The following CDH12 variants were observed in gnomAD, a reference collection of about 807,000 sequenced individuals.
CDH12 encodes cadherin 12.
CDH12 carries 41 observed loss-of-function variants against 74.1 expected under a neutral mutation model. That is an observed-to-expected ratio of 0.55 (90% CI 0.43 to 0.72). The LOEUF (loss-of-function observed/expected upper bound fraction) is 0.72. CDH12 is among the 30% of genes least tolerant of loss of function. The pLI is 0.00. For missense variants in CDH12, 945 were observed against 977.2 expected, an observed-to-expected ratio of 0.97 and a Z score of 0.44; for synonymous variants, 399 against 355.0, an observed-to-expected ratio of 1.12 and a Z score of -1.39.
chr5:22,092,664 GC>G (rs1308366390), intron 4 of CDH12, among the ~76,000 whole-genome samples: 1 of 152,084 alleles, frequency 6.6e-6, no homozygotes, highest in African/African-American at 2.4e-5. Context: ...AAATGGTGGA[GC>G]TTTTTTGGAT....
chr5:22,629,946 G>T (rs944923574), intron 1 of CDH12, among the ~76,000 whole-genome samples: 1 of 151,952 alleles, frequency 6.6e-6, no homozygotes, highest in Admixed American at 6.6e-5. Context: ...AAAATTAGTA[G>T]GTTTCTGTAC....
intron 1 of CDH12, among the ~76,000 whole-genome samples, chr5:22,512,485 A>G (rs2126673491): frequency 6.6e-6 from 1 of 152,262 alleles, no homozygotes; most frequent in African/African-American, 2.4e-5. Context: ...CCAGGGCACT[A>G]GTTTGGGGTA....
chr5:22,091,150 G>C lies in CDH12; in HGVS notation c.-186-12288C>G, dbSNP rs906849218. ...AGAAAAAAATTTGTCTCAACTTGCA[G>C]ATGACATGATCTTTTATATTAAATA... On this transcript the variant is annotated intron_variant, in intron 4 of 14. Transcript: ENST00000382254. Among the ~76,000 whole-genome samples, 3 of 150,384 alleles carry C rather than the reference G, an allele frequency of 2.0e-5. No homozygotes were observed. The Admixed American group carries it at 2.0e-4, about 10-fold the overall frequency.
chr5:22,414,903 A>G (rs1312819553), intron 2 of CDH12, among the ~76,000 whole-genome samples: 2 of 152,108 alleles, frequency 1.3e-5, no homozygotes, highest in Non-Finnish European at 2.9e-5. Context: ...AACTAATAAC[A>G]TTATGTAGGG....
intron 1 of CDH12, among the ~76,000 whole-genome samples, chr5:22,804,194 G>A (rs1344308405): frequency 6.6e-6 from 1 of 152,094 alleles, no homozygotes; most frequent in East Asian, 1.9e-4. Flanking sequence ...ATGGGAAACA[G>A]AATAATGATA....
intron 3 of CDH12, among the ~76,000 whole-genome samples, chr5:22,225,752 C>G (rs902558940): frequency 1.3e-5 from 2 of 152,052 alleles, no homozygotes; most frequent in Non-Finnish European, 2.9e-5. Flanking sequence ...TCAGGCCAAC[C>G]ATAAAAGTTG....
chr5:22,282,239 A>C (rs920294103), intron 3 of CDH12, among the ~76,000 whole-genome samples: 1 of 152,200 alleles, frequency 6.6e-6, no homozygotes, highest in South Asian at 2.1e-4. Context: ...TAAAAATATT[A>C]ACTCAAGATG....
At chr5:22,824,781 A>C (rs1399404932) in intron 1 of CDH12, among the ~76,000 whole-genome samples, 2 of 151,850 alleles carry the variant, frequency 1.3e-5, no homozygotes, top group Admixed American at 6.6e-5. Context: ...ACAGTCTAAG[A>C]TTGTCAGATT....
intron 2 of CDH12, among the ~76,000 whole-genome samples, chr5:22,453,821 T>G (rs1745148839): frequency 6.6e-6 from 1 of 152,168 alleles, no homozygotes; most frequent in African/African-American, 2.4e-5. Context: ...TGTATACATG[T>G]ATATATATTT....
intron 1 of CDH12, among the ~76,000 whole-genome samples, chr5:22,794,040 C>G (rs568239283): frequency 6.6e-6 from 1 of 152,296 alleles, no homozygotes; most frequent in South Asian, 2.1e-4. Flanking sequence ...TGCTGAAACA[C>G]TCAGTCTCAC....
intron 3 of CDH12, among the ~76,000 whole-genome samples, chr5:22,360,510 GCTGGTACCATTC>G (rs970369441): frequency 6.6e-6 from 1 of 152,116 alleles, no homozygotes; most frequent in African/African-American, 2.4e-5. Flanking sequence ...ACAAGGAGGA[GCTGGTACCATTC>G]CTTCTGAAAC....
At chr5:22,236,304 CTT>C (rs941549670) in intron 3 of CDH12, among the ~76,000 whole-genome samples, 1 of 152,192 alleles carries the variant, frequency 6.6e-6, no homozygotes, top group Non-Finnish European at 1.5e-5. Context: ...CTGTTTGACT[CTT>C]TTGCAATAAC....
chr5:22,573,631 G>A (rs189578123), intron 1 of CDH12, among the ~76,000 whole-genome samples: 29 of 152,156 alleles, frequency 1.9e-4, no homozygotes, highest in African/African-American at 6.7e-4. Context: ...CATTTTAGTG[G>A]TAAAATTATA....
chr5:22,170,614 T>A (rs1748965702), intron 4 of CDH12, among the ~76,000 whole-genome samples: 1 of 151,518 alleles, frequency 6.6e-6, no homozygotes, highest in Admixed American at 6.6e-5. Context: ...GCTTCTTTTT[T>A]ACATTTTCAA....
At chr5:21,900,314 A>C (rs1401007223) in intron 6 of CDH12, among the ~76,000 whole-genome samples, 1 of 152,158 alleles carries the variant, frequency 6.6e-6, no homozygotes, top group Non-Finnish European at 1.5e-5. Flanking sequence ...AAACACTATA[A>C]ACTGGCTATT....
chr5:22,816,792 C>G (rs929291471), intron 1 of CDH12, among the ~76,000 whole-genome samples: 3 of 152,104 alleles, frequency 2.0e-5, no homozygotes, highest in African/African-American at 4.8e-5. Flanking sequence ...AGGTAAATTT[C>G]TGTGTGTCTA....
chr5:22,417,766 GAATA>G (rs1413217051), intron 2 of CDH12, among the ~76,000 whole-genome samples: 2 of 151,932 alleles, frequency 1.3e-5, no homozygotes, highest in Non-Finnish European at 1.5e-5. Context: ...TAAATATATA[GAATA>G]AAAATGGAAG....
At chr5:22,559,547 TAATAA>T (rs1738951072) in intron 1 of CDH12, among the ~76,000 whole-genome samples, 1 of 152,078 alleles carries the variant, frequency 6.6e-6, no homozygotes, top group South Asian at 2.1e-4. Context: ...TATAAATTAA[TAATAA>T]AATAAGAACC....
intron 3 of CDH12, among the ~76,000 whole-genome samples, chr5:22,382,542 G>A (rs1580588881): frequency 6.6e-6 from 1 of 151,512 alleles, no homozygotes; most frequent in South Asian, 2.1e-4. Flanking sequence ...AATACTTGGC[G>A]TATTCGCTTT....
Sources: gnomAD v4.1 joint callset for allele counts (sites outside exome capture counted in the v4.1 genomes callset) on GRCh38, gnomAD v4.1.1 for gene constraint, MANE v1.5 for transcripts, NCBI Gene and HGNC (gene_info 2026-07-23, HGNC 2026-07-21) for gene names.